KIFAP3: variants seen among roughly 807,000 people sequenced by gnomAD.
The protein encoded by KIFAP3 is kinesin associated protein 3.
In KIFAP3, 68 loss-of-function variants were observed where a neutral mutation model predicts 106.5. That is an observed-to-expected ratio of 0.64 (90% CI 0.53 to 0.78). KIFAP3 has a LOEUF of 0.78. Ranked by LOEUF, KIFAP3 falls within the 30% of genes least tolerant of loss-of-function variation. KIFAP3 has a pLI of 0.00. For synonymous variants in KIFAP3, 320 were observed against 311.5 expected (o/e 1.03, Z -0.29); for missense variants, 780 against 941.8 (o/e 0.83, Z 2.25).
intron 2 of KIFAP3, among the ~76,000 whole-genome samples, chr1:170,051,533 G>A (rs1198235083): frequency 6.6e-6 from 1 of 152,178 alleles, no homozygotes; most frequent in Non-Finnish European, 1.5e-5. Context: ...CAAATAAACA[G>A]AATATACATT....
chr1:169,936,684 G>C (rs934824750), intron 19 of KIFAP3, among the ~76,000 whole-genome samples: 2 of 151,438 alleles, frequency 1.3e-5, no homozygotes, highest in Non-Finnish European at 3.0e-5. Context: ...GATACTAAAG[G>C]TCTGTGTTTT....
rs578060690 is a variant in KIFAP3, at chr1:169,952,170, G to C, written c.2273+1841C>G. 2.6e-5 allele frequency among the ~76,000 whole-genome samples: 4 copies of C among 151,968 alleles called. No homozygotes were observed. In the East Asian group the frequency reaches 5.8e-4, roughly 22 times the overall value. On this transcript the variant is annotated intron_variant, in intron 19 of 19. Transcript: ENST00000361580. ...TACTATGACAATCTAGTACACAGAT[G>C]AAACAATTTTTAAAGGGCTACTATT...
intron 15 of KIFAP3, among the ~76,000 whole-genome samples, chr1:169,979,115 T>G (rs891526458): frequency 3.3e-4 from 50 of 152,258 alleles, no homozygotes; most frequent in African/African-American, 1.2e-3. Flanking sequence ...CACTCTGAGC[T>G]GGCTGTGTCA....
At chr1:170,032,138 C>G (rs1285084761) in intron 7 of KIFAP3, 154 bp from the exon 8 acceptor site, 5 of 542,466 alleles carry the variant, frequency 9.2e-6, no homozygotes, top group East Asian at 8.7e-5. Flanking sequence ...TGCATAATAA[C>G]TGTGCTGTAA....
At chr1:170,049,244 A>C (rs1186788528) in intron 2 of KIFAP3, among the ~76,000 whole-genome samples, 3 of 152,196 alleles carry the variant, frequency 2.0e-5, no homozygotes, top group Non-Finnish European at 2.9e-5. Context: ...CAGTGTGGCA[A>C]AGTGGCTGAG....
rs1372608006 is a variant in KIFAP3 at position 169,982,028 on chromosome 1, C to G, written c.1742G>C (p.Cys581Ser). The change falls in exon 15 of 20, where the codon TGT becomes TCT. Residue 581 changes from cysteine to serine, a missense_variant. Physicochemically the swap from Cys to Ser is moderately radical, Grantham distance 112. This residue lies in a region of KIFAP3 where 588 missense variants were observed against 678.9 expected (regional missense o/e 0.87). Coordinates refer to ENST00000361580, the MANE Select transcript of KIFAP3 (RefSeq NM_014970.4). The part of the protein sequence containing the change: ...MIGTVSMDDS[C>S]AALLAKSGII... ...GCCAGATTTGGCTAGCAATGCAGCACAAGAGTCATCCATGGATACAGTTCC... is the reference window on the plus strand; with the variant it reads ...GCCAGATTTGGCTAGCAATGCAGCAGAAGAGTCATCCATGGATACAGTTCC... 6.2e-7 allele frequency: 1 copy of G among 1,613,286 alleles called. No individual in the cohort carries two copies. The highest frequency in any genetic ancestry group is 8.5e-7 in the Non-Finnish European group (1 of 1,179,352).
chr1:170,041,590 G>T, intron 3 of KIFAP3: 3 of 1,009,076 alleles, frequency 3.0e-6, no homozygotes, highest in Non-Finnish European at 4.4e-6. Context: ...CATTTCAGAG[G>T]CCCGGAGATG....
chr1:169,978,217 C>T (rs755998800), intron 15 of KIFAP3, 34 bp from the exon 16 acceptor site: 4 of 1,355,148 alleles, frequency 3.0e-6, no homozygotes, highest in Admixed American at 1.7e-5. Flanking sequence ...ATAAAGAATA[C>T]TATGTTTATA....
chr1:169,974,528 A>AT (rs993965076), intron 16 of KIFAP3, among the ~76,000 whole-genome samples: 95 of 150,504 alleles, frequency 6.3e-4, no homozygotes, highest in African/African-American at 1.8e-3. Context: ...GGTTCTTACT[A>AT]TTTTTTTTTA....
rs1663141708 is a variant in KIFAP3, at chr1:169,926,560, A to G, written c.2274-4779T>C. ...CAAAGTTGCCTAATATTGACTGCTT[A>G]TAATTGACTGTGTATATATGTGTAT... On this transcript the variant is annotated intron_variant, in intron 19 of 19. Transcript: ENST00000361580. Among the ~76,000 whole-genome samples the G allele has an allele frequency of 2.6e-5, 4 of 152,106 alleles. No individual in the cohort carries two copies. The South Asian group carries it at 8.3e-4, about 31-fold the overall frequency.
At chr1:169,940,319 A>G (rs529717019) in intron 19 of KIFAP3, among the ~76,000 whole-genome samples, 16 of 152,298 alleles carry the variant, frequency 1.1e-4, no homozygotes, top group African/African-American at 3.9e-4. Context: ...CAATTCATAA[A>G]CTGCCTGGAA....
chr1:170,067,652 C>T (rs901830875), intron 1 of KIFAP3: 1 of 152,210 alleles, frequency 6.6e-6, no homozygotes, highest in Non-Finnish European at 1.5e-5. Flanking sequence ...CTGAAGTTTC[C>T]TTTGAGGTCA....
At chr1:169,968,476 A>C (rs1168785850) in intron 17 of KIFAP3, among the ~76,000 whole-genome samples, 2 of 151,902 alleles carry the variant, frequency 1.3e-5, no homozygotes, top group African/African-American at 4.8e-5. Flanking sequence ...GCAGCCCCCT[A>C]ATTGAGACTG....
At chr1:169,931,598 C>A (rs1028296841) in intron 19 of KIFAP3, among the ~76,000 whole-genome samples, 3 of 152,174 alleles carry the variant, frequency 2.0e-5, no homozygotes, top group Non-Finnish European at 4.4e-5. Context: ...TTTCATACCA[C>A]CAAATGTTAA....
intron 3 of KIFAP3, among the ~76,000 whole-genome samples, chr1:170,043,706 A>G (rs1274378059): frequency 5.3e-5 from 8 of 152,220 alleles, no homozygotes; most frequent in African/African-American, 1.9e-4. Context: ...ATAATGAATG[A>G]AGAAAACATT....
intron 18 of KIFAP3, 61 bp downstream of exon 18, chr1:169,960,985 G>T: frequency 7.5e-7 from 1 of 1,336,250 alleles, no homozygotes; most frequent in Non-Finnish European, 1.0e-6. Context: ...TGCAAGGCTG[G>T]CCGACTAAAA....
At chr1:169,948,260 T>C (rs924296187) in intron 19 of KIFAP3, among the ~76,000 whole-genome samples, 19 of 151,922 alleles carry the variant, frequency 1.3e-4, no homozygotes, top group Non-Finnish European at 2.4e-4. Context: ...CTAGAAATTA[T>C]TTGGCAATTG....
chr1:169,945,075 A>G (rs1664360878), intron 19 of KIFAP3, among the ~76,000 whole-genome samples: 1 of 152,080 alleles, frequency 6.6e-6, no homozygotes, highest in Non-Finnish European at 1.5e-5. Flanking sequence ...AGCCACCTTC[A>G]GCACCCCCTG....
At chr1:170,074,762 G>A, upstream of KIFAP3, 1 of 1,295,550 alleles carries the variant, frequency 7.7e-7, no homozygotes, top group African/African-American at 1.5e-5. Context: ...AGTCTGAGGC[G>A]GTGGCCTCAG....
Sources: allele counts gnomAD v4.1 joint callset (sites outside exome capture counted in the v4.1 genomes callset), GRCh38; gene constraint gnomAD v4.1.1; regional missense constraint gnomAD v4.1.1; transcripts MANE v1.5; gene names NCBI Gene and HGNC (gene_info 2026-07-23, HGNC 2026-07-21).